The following WWOX variants were observed in gnomAD, a reference collection of about 807,000 sequenced individuals.
WWOX encodes the protein WW domain-containing oxidoreductase.
A neutral mutation model predicts 46.2 loss-of-function variants in WWOX; 69 were observed. The observed-to-expected ratio is 1.49, with a 90% CI of 1.23 to 1.82. WWOX has a LOEUF of 1.82. WWOX is among the 40% of genes most tolerant of loss of function. WWOX has a pLI of 0.00. For missense variants in WWOX, 919 were observed against 542.6 expected (o/e 1.69, Z -6.89); for synonymous variants, 359 against 202.6 (o/e 1.77, Z -6.56).
At chr16:78,176,631 T>A (rs1344240838) in intron 5 of WWOX, among the ~76,000 whole-genome samples, 1 of 152,226 alleles carries the variant, frequency 6.6e-6, no homozygotes, top group African/African-American at 2.4e-5. Flanking sequence ...TATGGCACTT[T>A]GACAGCCCTT....
intron 8 of WWOX, among the ~76,000 whole-genome samples, chr16:79,100,922 T>A: frequency 6.6e-6 from 1 of 151,214 alleles, no homozygotes; most frequent in African/African-American, 2.4e-5. Flanking sequence ...CCCAACGGGG[T>A]TTTCTCCATA....
intron 8 of WWOX, among the ~76,000 whole-genome samples, chr16:78,908,921 G>A (rs1003073739): frequency 1.3e-5 from 2 of 152,196 alleles, no homozygotes; most frequent in East Asian, 3.9e-4. Context: ...GCAGCCTCCG[G>A]CAGCATGACT....
intron 8 of WWOX, among the ~76,000 whole-genome samples, chr16:78,838,499 G>T (rs528385821): frequency 6.6e-6 from 1 of 152,218 alleles, no homozygotes; most frequent in Non-Finnish European, 1.5e-5. Context: ...AGATTACATT[G>T]GTAGGATTCC....
chr16:78,548,019 G>A (rs1373361478), intron 8 of WWOX, among the ~76,000 whole-genome samples: 2 of 151,960 alleles, frequency 1.3e-5, no homozygotes, highest in African/African-American at 2.4e-5. Flanking sequence ...GCCGGGTGTG[G>A]TGGTGAATGC....
At chr16:78,401,712 T>A (rs961439650) in intron 6 of WWOX, among the ~76,000 whole-genome samples, 1 of 152,182 alleles carries the variant, frequency 6.6e-6, no homozygotes, top group African/African-American at 2.4e-5. Flanking sequence ...CTTTTTTCTT[T>A]TTTTTGAGAC....
At chr16:78,582,373 C>T (rs1022610931) in intron 8 of WWOX, among the ~76,000 whole-genome samples, 9 of 152,180 alleles carry the variant, frequency 5.9e-5, no homozygotes, top group Non-Finnish European at 1.2e-4. Context: ...AATGTGGCTT[C>T]AATGAGTATT....
At chr16:78,803,481 G>A (rs938916990) in intron 8 of WWOX, among the ~76,000 whole-genome samples, 2 of 152,190 alleles carry the variant, frequency 1.3e-5, no homozygotes, top group East Asian at 3.9e-4. Context: ...GGGTCTCGCT[G>A]TGTTGCCCAT....
chr16:78,679,270 G>A (rs754224817), intron 8 of WWOX, among the ~76,000 whole-genome samples: 1 of 152,220 alleles, frequency 6.6e-6, no homozygotes, highest in East Asian at 1.9e-4. Context: ...GGGTGAGGTG[G>A]CTGGGTGCAG....
intron 4 of WWOX, among the ~76,000 whole-genome samples, chr16:78,144,429 C>CTATATATATATATATATA (rs1231079672): frequency 0.11 from 1,760 of 15,346 alleles, 362 homozygotes; most frequent in Middle Eastern, 0.29. Context: ...TTTGCCATTA[C>CTATATATATATATATATA]TATATATATA....
intron 8 of WWOX, among the ~76,000 whole-genome samples, chr16:79,209,968 C>G (rs532535479): frequency 4.6e-5 from 7 of 152,286 alleles, no homozygotes; most frequent in Admixed American, 2.0e-4. Flanking sequence ...TAATATCTGG[C>G]TATTTGGAGT....
chr16:78,918,428 T>G (rs1302394365), intron 8 of WWOX, among the ~76,000 whole-genome samples: 1 of 152,120 alleles, frequency 6.6e-6, no homozygotes, highest in Admixed American at 6.5e-5. Context: ...TCCTATCCCT[T>G]TATTTTCTGG....
At chr16:78,642,470 T>A (rs191991000) in intron 8 of WWOX, among the ~76,000 whole-genome samples, 1 of 152,180 alleles carries the variant, frequency 6.6e-6, no homozygotes, top group East Asian at 1.9e-4. Flanking sequence ...TCGACTTTAC[T>A]GAGCTCCATG....
chr16:78,834,740 CAA>C (rs2051929613), intron 8 of WWOX, among the ~76,000 whole-genome samples: 1 of 152,048 alleles, frequency 6.6e-6, no homozygotes, highest in South Asian at 2.1e-4. Context: ...GGGATACAGA[CAA>C]AGAGAAAGGC....
rs113977550 is a variant in WWOX, at chr16:79,079,350, C to CA, written c.1057-132249dup. Among the ~76,000 whole-genome samples the CA allele has an allele frequency of 2.6e-5, 4 of 151,062 alleles. No homozygotes were observed. In the South Asian group the frequency reaches 6.3e-4, roughly 24 times the overall value. ...TCTTTTTTTCTTGGGTTCCCCCCGA[C>CA]AAAAAAAAATATGACAGAAGTGTCA... On this transcript the variant is annotated intron_variant, in intron 8 of 8. Transcript: ENST00000566780.
intron 8 of WWOX, among the ~76,000 whole-genome samples, chr16:78,654,105 G>A (rs896769085): frequency 6.6e-6 from 1 of 152,210 alleles, no homozygotes; most frequent in Non-Finnish European, 1.5e-5. Flanking sequence ...CAGGTAGAGA[G>A]AAACTCTCAA....
chr16:79,095,121 A>T (rs1302779815), intron 8 of WWOX, among the ~76,000 whole-genome samples: 3 of 152,200 alleles, frequency 2.0e-5, no homozygotes, highest in Non-Finnish European at 4.4e-5. Flanking sequence ...AGGCTTCTCT[A>T]AAAGGCTTCC....
In WWOX at chr16:79,212,637, A is replaced by G. The variant is rs1222960251; in HGVS notation, c.*841A>G. Reference sequence around the variant, plus strand: ...AACCTCCTGCTGTGCCTCGCATCCTATGCTTAATAAAAGAACATGCTTGAA... The same window carrying G: ...AACCTCCTGCTGTGCCTCGCATCCTGTGCTTAATAAAAGAACATGCTTGAA... On this transcript the variant is annotated 3_prime_UTR_variant, in exon 9 of 9. Coordinates refer to ENST00000566780, the MANE Select transcript of WWOX (RefSeq NM_016373.4). 6.6e-6 allele frequency: 1 copy of G among 150,774 alleles called. No individual in the cohort carries two copies. The highest frequency in any genetic ancestry group is 1.5e-5 in the Non-Finnish European group (1 of 66,896). The allele number at this position is 150,774 out of a possible 1,614,324, so 9.3% of individuals were successfully genotyped here.
intron 8 of WWOX, among the ~76,000 whole-genome samples, chr16:79,020,699 G>T (rs1273379502): frequency 6.6e-6 from 1 of 152,190 alleles, no homozygotes; most frequent in Non-Finnish European, 1.5e-5. Flanking sequence ...AGTGTGGTGA[G>T]TAGGATAAAG....
At chr16:78,609,753 G>A (rs968853823) in intron 8 of WWOX, among the ~76,000 whole-genome samples, 1 of 152,126 alleles carries the variant, frequency 6.6e-6, no homozygotes, top group African/African-American at 2.4e-5. Flanking sequence ...AAAGGGGTGA[G>A]GTGGGTCCAA....
Sources: gnomAD v4.1 joint callset for allele counts (sites outside exome capture counted in the v4.1 genomes callset) on GRCh38, gnomAD v4.1.1 for gene constraint, MANE v1.5 for transcripts, NCBI Gene and HGNC (gene_info 2026-07-23, HGNC 2026-07-21) for gene names.